The following CUX1 variants were observed in gnomAD, a reference collection of about 807,000 sequenced individuals.
The protein encoded by CUX1 is protein CASP.
CUX1 carries 31 observed loss-of-function variants against 158.8 expected under a neutral mutation model. That is an observed-to-expected ratio of 0.20 (90% CI 0.15 to 0.26). CUX1 has a LOEUF of 0.26. CUX1 is among the 10% of genes least tolerant of loss of function. CUX1 has a pLI of 1.00. For synonymous variants in CUX1, 879 were observed against 862.1 expected, an observed-to-expected ratio of 1.02 and a Z score of -0.34; for missense variants, 1,589 against 2,014.6, an observed-to-expected ratio of 0.79 and a Z score of 4.04.
intron 4 of CUX1, among the ~76,000 whole-genome samples, chr7:102,071,801 T>A (rs1826167299): frequency 1.3e-5 from 2 of 152,186 alleles, no homozygotes; most frequent in African/African-American, 4.8e-5. Flanking sequence ...AGATTCTCCT[T>A]CCCTGGATGA....
In CUX1 at chr7:102,257,776, C is replaced by T. The variant is rs1364381655; in HGVS notation, c.*8734C>T. Reference sequence around the variant, plus strand: ...TAGCAGTATTTTATATTTTCTGTAACGCACCAAGTCTTAGATCTTTCTAGA... The same window carrying T: ...TAGCAGTATTTTATATTTTCTGTAATGCACCAAGTCTTAGATCTTTCTAGA... On this transcript the variant is annotated 3_prime_UTR_variant, in exon 24 of 24. Transcript: ENST00000292535. 25 of 984,478 alleles carry T rather than the reference C, an allele frequency of 2.5e-5. No individual in the cohort carries two copies. The highest frequency in any genetic ancestry group is 4.7e-5 in the South Asian group (1 of 21,250). The allele number at this position is 984,478 out of a possible 1,614,324, so 61.0% of individuals were successfully genotyped here.
intron 1 of CUX1, chr7:101,912,994 A>G (rs904897716): frequency 6.3e-6 from 1 of 159,690 alleles, no homozygotes; most frequent in African/African-American, 2.4e-5. Flanking sequence ...TTAATGTGTC[A>G]TTGTAGTTGA....
chr7:102,170,726 G>A (rs139173055), intron 10 of CUX1, among the ~76,000 whole-genome samples, 176 bp downstream of exon 10: 6 of 152,260 alleles, frequency 3.9e-5, no homozygotes, highest in Middle Eastern at 3.4e-3. Context: ...TGTTAAAGTC[G>A]AAGGAAGAGC....
rs574659941 is a variant in CUX1 at position 101,847,013 on chromosome 7, C to T, written c.30+29344C>T. ...AAAAAAATTAGCTGACATGGTGGCA[C>T]GCACCTGTAAGTCTCAGCTACTGAG... On this transcript the variant is annotated intron_variant, in intron 1 of 23. Coordinates refer to ENST00000292535, the MANE Select transcript of CUX1 (RefSeq NM_181552.4). 4.6e-5 allele frequency among the ~76,000 whole-genome samples: 7 copies of T among 152,148 alleles called. No homozygotes were observed. In the South Asian group the frequency reaches 6.2e-4, roughly 14 times the overall value.
rs1584933928 is a variant in CUX1, at chr7:101,903,630, C to T, written c.31-12485C>T. 2.0e-5 allele frequency among the ~76,000 whole-genome samples: 3 copies of T among 152,256 alleles called. No individual in the cohort carries two copies. The South Asian group carries it at 6.2e-4, about 32-fold the overall frequency. ...CTCGTTAGGGCTGAGAATTATCCTC[C>T]CCTCTCCCTGCCACAGAGCCGGCCA... On this transcript the variant is annotated intron_variant, in intron 1 of 23. Coordinates refer to ENST00000292535, the MANE Select transcript of CUX1 (RefSeq NM_181552.4).
intron 2 of CUX1, among the ~76,000 whole-genome samples, chr7:102,012,921 C>T (rs1365638877): frequency 6.6e-6 from 1 of 152,134 alleles, no homozygotes; most frequent in Non-Finnish European, 1.5e-5. Flanking sequence ...TCAGCACCAA[C>T]CACGGTTTTT....
intron 1 of CUX1, among the ~76,000 whole-genome samples, chr7:101,852,567 G>A (rs1450951198): frequency 1.3e-5 from 2 of 150,840 alleles, no homozygotes; most frequent in Non-Finnish European, 3.0e-5. Context: ...GCAGTGAGCC[G>A]AGATCACACC....
At chr7:101,934,282 TTC>T (rs1366397523) in intron 2 of CUX1, among the ~76,000 whole-genome samples, 1 of 152,238 alleles carries the variant, frequency 6.6e-6, no homozygotes, top group Non-Finnish European at 1.5e-5. Flanking sequence ...GAATTTTGTC[TTC>T]TTTTTGTTTA....
rs527430831 is a variant in CUX1 at position 102,097,155 on chromosome 7, C to T, written c.269-209C>T. Among the ~76,000 whole-genome samples the T allele has an allele frequency of 1.1e-3, 167 of 152,364 alleles. 1 individual carries two copies. Among genetic ancestry groups the T allele is most frequent in the Non-Finnish European group, 2.1e-3 (140 of 68,036 alleles). ...TGGCTATTGCCACCCCATTTTCACA[C>T]CTCGAGGACCCCGGGCTGGGTCCAT... On this transcript the variant is annotated intron_variant, in intron 4 of 23. Coordinates refer to ENST00000292535, the MANE Select transcript of CUX1 (RefSeq NM_181552.4).
Position 102,253,779 on chromosome 7 carries a change from C to A in CUX1, c.*4737C>A. 1.0e-6 allele frequency: 1 copy of A among 985,510 alleles called. No homozygotes were observed. The allele number at this position is 985,510 out of a possible 1,614,324, so 61.0% of individuals were successfully genotyped here. On this transcript the variant is annotated 3_prime_UTR_variant, in exon 24 of 24. Coordinates refer to ENST00000292535, the MANE Select transcript of CUX1 (RefSeq NM_181552.4). ...AGGCCGACAAGCCAGCTGTACAGGGCGAGATGTAGCAACACGGGGCATGAG... is the reference window on the plus strand; with the variant it reads ...AGGCCGACAAGCCAGCTGTACAGGGAGAGATGTAGCAACACGGGGCATGAG...
chr7:102,185,875 C>G (rs1322221988), intron 11 of CUX1, among the ~76,000 whole-genome samples: 1 of 152,128 alleles, frequency 6.6e-6, no homozygotes, highest in Non-Finnish European at 1.5e-5. Context: ...CACTGTAGGA[C>G]CCCAGAGATT....
At chr7:101,833,562 TAAAAAAAA>T (rs534986714) in intron 1 of CUX1, among the ~76,000 whole-genome samples, 2 of 75,814 alleles carry the variant, frequency 2.6e-5, no homozygotes, top group African/African-American at 1.1e-4. Context: ...CTCTGTCTCT[TAAAAAAAA>T]AAAAAAAAAA....
intron 5 of CUX1, among the ~76,000 whole-genome samples, chr7:102,102,134 A>G (rs946917793): frequency 1.3e-5 from 2 of 152,132 alleles, no homozygotes; most frequent in Admixed American, 1.3e-4. Flanking sequence ...GAACAGCCAA[A>G]CCAAAAGGCG....
At chr7:102,168,367 G>T (rs1791285937) in intron 9 of CUX1, among the ~76,000 whole-genome samples, 1 of 152,140 alleles carries the variant, frequency 6.6e-6, no homozygotes, top group South Asian at 2.1e-4. Flanking sequence ...TCCTAAATTG[G>T]CTGGGCGCGG....
At chr7:102,047,826 A>G (rs78018476) in intron 3 of CUX1, among the ~76,000 whole-genome samples, 2,040 of 152,222 alleles carry the variant, frequency 0.013, 100 homozygotes, top group East Asian at 0.11. Flanking sequence ...AGTTCCATCA[A>G]TTTAATGCAG....
chr7:102,280,180 GTCCCCCCATCAC>G, intron 19 of CUX1: 1 of 1,166,294 alleles, frequency 8.6e-7, no homozygotes, highest in South Asian at 1.2e-5. Flanking sequence ...AAGCCCAGGG[GTCCCCCCATCAC>G]TTGGCCCCTA....
Position 102,151,290 on chromosome 7 carries a change from C to T in CUX1, c.675-7270C>T, listed in dbSNP as rs9691067. Among the ~76,000 whole-genome samples the T allele has an allele frequency of 3.2e-3, 493 of 152,252 alleles. 3 individuals are homozygous for T. Among genetic ancestry groups the T allele is most frequent in the African/African-American group, 0.011 (477 of 41,554 alleles). On this transcript the variant is annotated intron_variant, in intron 8 of 23. Coordinates refer to ENST00000292535, the MANE Select transcript of CUX1 (RefSeq NM_181552.4). ...GGGTGGGGCTGGGCGCGTCGGTTCA[C>T]GCCTGTCATCCCAGCACTTTGGGAG...
Position 102,120,712 on chromosome 7 carries a change from G to A in CUX1, c.674+5439G>A, listed in dbSNP as rs139528683. ...TAACTCAGCACTGGGGAGCCTCTAC[G>A]CTTCTTTGGAGGGATAGAGAACTCC... On this transcript the variant is annotated intron_variant, in intron 8 of 23. Transcript: ENST00000292535. Among the ~76,000 whole-genome samples the A allele has an allele frequency of 2.8e-3, 430 of 152,244 alleles. 2 individuals carry two copies. Among genetic ancestry groups the A allele is most frequent in the African/African-American group, 0.01 (416 of 41,528 alleles).
At chr7:102,025,613 G>A (rs1405655405) in intron 2 of CUX1, among the ~76,000 whole-genome samples, 1 of 151,118 alleles carries the variant, frequency 6.6e-6, no homozygotes, top group African/African-American at 2.4e-5. Context: ...GGGTGACAGA[G>A]CCAGACCCCG....
Sources: gnomAD v4.1 joint callset for allele counts (sites outside exome capture counted in the v4.1 genomes callset) on GRCh38, gnomAD v4.1.1 for gene constraint, MANE v1.5 for transcripts, NCBI Gene and HGNC (gene_info 2026-07-23, HGNC 2026-07-21) for gene names.